TTC29: variants seen among roughly 807,000 people sequenced by gnomAD.
TTC29 encodes tetratricopeptide repeat protein 29.
A neutral mutation model predicts 58.1 loss-of-function variants in TTC29; 49 were observed. That is an observed-to-expected ratio of 0.84 (90% CI 0.67 to 1.07). TTC29 has a LOEUF of 1.07. Among genes scored for constraint, TTC29 ranks in the 50% least tolerant of loss-of-function variants. TTC29 has a pLI of 0.00. For missense variants in TTC29, 582 were observed against 555.6 expected, an observed-to-expected ratio of 1.05 and a Z score of -0.48; for synonymous variants, 209 against 196.8, an observed-to-expected ratio of 1.06 and a Z score of -0.52.
At chr4:146,865,140 G>T (rs188213484) in intron 8 of TTC29, among the ~76,000 whole-genome samples, 4 of 152,244 alleles carry the variant, frequency 2.6e-5, no homozygotes, top group Admixed American at 2.6e-4. Flanking sequence ...AAGTAAAGTA[G>T]TTCATCCCTT....
chr4:146,725,585 T>A (rs1021927928), intron 11 of TTC29, among the ~76,000 whole-genome samples: 1 of 152,166 alleles, frequency 6.6e-6, no homozygotes, highest in Non-Finnish European at 1.5e-5. Flanking sequence ...TAATTCCACG[T>A]AACTAAATTA....
At chr4:146,778,976 CAAAAAAAAAAA>C (rs369374851) in intron 11 of TTC29, among the ~76,000 whole-genome samples, 2 of 28,538 alleles carry the variant, frequency 7.0e-5, no homozygotes, top group Non-Finnish European at 1.1e-4. Context: ...CCTAAATAAG[CAAAAAAAAAAA>C]AAAAAAAAAA....
At chr4:146,871,189 T>C (rs1339888780) in intron 7 of TTC29, among the ~76,000 whole-genome samples, 1 of 151,926 alleles carries the variant, frequency 6.6e-6, no homozygotes, top group Non-Finnish European at 1.5e-5. Flanking sequence ...CATATGCTAA[T>C]CAATTAGTAT....
chr4:146,942,847 G>A (rs1736538231), intron 2 of TTC29: 5 of 413,372 alleles, frequency 1.2e-5, no homozygotes, highest in Non-Finnish European at 2.2e-5. Context: ...TAATTGCAGG[G>A]GTCTTTGAAG....
At chr4:146,839,564 G>C (rs1189318414) in intron 8 of TTC29, among the ~76,000 whole-genome samples, 1 of 151,012 alleles carries the variant, frequency 6.6e-6, no homozygotes, top group Non-Finnish European at 1.5e-5. Context: ...GTGTGTGTGT[G>C]TGTGTGTGTA....
intron 8 of TTC29, among the ~76,000 whole-genome samples, chr4:146,864,929 T>TA (rs397781465): frequency 1.3e-5 from 2 of 151,302 alleles, no homozygotes; most frequent in African/African-American, 4.9e-5. Flanking sequence ...TTTTTTTTTT[T>TA]AAGGGGAGTA....
chr4:146,894,620 T>C (rs910314264), intron 6 of TTC29, among the ~76,000 whole-genome samples: 3 of 151,970 alleles, frequency 2.0e-5, no homozygotes, highest in Admixed American at 2.0e-4. Context: ...ACATGGCACA[T>C]GTATACATAT....
At chr4:146,759,865 A>T (rs768351570) in intron 11 of TTC29, among the ~76,000 whole-genome samples, 3 of 152,114 alleles carry the variant, frequency 2.0e-5, no homozygotes, top group Non-Finnish European at 2.9e-5. Flanking sequence ...ATTCCCTCTG[A>T]GAACAGGAAC....
intron 5 of TTC29, among the ~76,000 whole-genome samples, chr4:146,908,397 G>A (rs1022261746): frequency 1.3e-5 from 2 of 152,066 alleles, no homozygotes; most frequent in East Asian, 1.9e-4. Flanking sequence ...AGTATAATTA[G>A]TGTAGAAATG....
At chr4:146,888,643 A>T (rs1732151132) in intron 6 of TTC29, among the ~76,000 whole-genome samples, 1 of 152,078 alleles carries the variant, frequency 6.6e-6, no homozygotes, top group Admixed American at 6.6e-5. Context: ...AAGGACTAGA[A>T]TTTTTTTTCT....
intron 4 of TTC29, among the ~76,000 whole-genome samples, chr4:146,928,239 A>G (rs746490067): frequency 1.3e-5 from 2 of 152,212 alleles, no homozygotes; most frequent in Non-Finnish European, 2.9e-5. Context: ...TGTTAGACCC[A>G]GACTGCCTAG....
chr4:146,741,237 T>A (rs1745125555), intron 11 of TTC29, among the ~76,000 whole-genome samples: 1 of 152,240 alleles, frequency 6.6e-6, no homozygotes, highest in South Asian at 2.1e-4. Context: ...TATACGCAAG[T>A]ATTTTTATGC....
chr4:146,739,550 C>A (rs557917278), intron 11 of TTC29, among the ~76,000 whole-genome samples: 2 of 152,188 alleles, frequency 1.3e-5, no homozygotes, highest in Admixed American at 6.5e-5. Flanking sequence ...AATTTACATC[C>A]TAGCACAGGG....
At chr4:146,795,933 C>G (rs917956240) in intron 11 of TTC29, among the ~76,000 whole-genome samples, 1 of 152,132 alleles carries the variant, frequency 6.6e-6, no homozygotes, top group Non-Finnish European at 1.5e-5. Flanking sequence ...GAGGTAAGAC[C>G]CTTGCTGAGA....
intron 6 of TTC29, among the ~76,000 whole-genome samples, chr4:146,890,365 C>T (rs1410561399): frequency 6.6e-6 from 1 of 152,174 alleles, no homozygotes; most frequent in Non-Finnish European, 1.5e-5. Context: ...TCCCATCTTA[C>T]TTGTGGGGCT....
chr4:146,927,236 G>A lies in TTC29; in HGVS notation c.176+10358C>T, dbSNP rs1735003073. On this transcript the variant is annotated intron_variant, in intron 4 of 12. Coordinates refer to ENST00000325106, the MANE Select transcript of TTC29 (RefSeq NM_031956.4). ...AACTCAATTAATTATAACTATTTTAGGAAACAGGTCCTATTATCATTATTT... is the reference window on the plus strand; with the variant it reads ...AACTCAATTAATTATAACTATTTTAAGAAACAGGTCCTATTATCATTATTT... Among the ~76,000 whole-genome samples the A allele has an allele frequency of 2.0e-5, 3 of 151,970 alleles. No homozygotes were observed. In the South Asian group the frequency reaches 6.2e-4, roughly 32 times the overall value.
At chr4:146,841,514 A>AC (rs1579806363) in intron 8 of TTC29, among the ~76,000 whole-genome samples, 1 of 152,154 alleles carries the variant, frequency 6.6e-6, no homozygotes, top group Admixed American at 6.6e-5. Context: ...CTAGAATGTA[A>AC]CCTATTTGAG....
chr4:146,863,866 C>T (rs1175967710), intron 8 of TTC29, among the ~76,000 whole-genome samples: 1 of 152,084 alleles, frequency 6.6e-6, no homozygotes, highest in African/African-American at 2.4e-5. Flanking sequence ...TTTGCCCTTC[C>T]TCTGCCTTTT....
chr4:146,939,793 G>A lies in TTC29; in HGVS notation c.92+11C>T, dbSNP rs753575411. The A allele has an allele frequency of 1.2e-6, 2 of 1,600,124 alleles. No individual in the cohort carries two copies. Among genetic ancestry groups the A allele is most frequent in the Admixed American group, 1.8e-5 (1 of 56,628 alleles). On this transcript the variant is annotated intron_variant, in intron 3 of 12. Coordinates refer to ENST00000325106, the MANE Select transcript of TTC29 (RefSeq NM_031956.4). ...TCTGTAGGAAAATAAGTAAAAACCAGGGGCACGTACCTTGGAATTTTTCTG... is the reference window on the plus strand; with the variant it reads ...TCTGTAGGAAAATAAGTAAAAACCAAGGGCACGTACCTTGGAATTTTTCTG...
Sources: allele counts gnomAD v4.1 joint callset (sites outside exome capture counted in the v4.1 genomes callset), GRCh38; gene constraint gnomAD v4.1.1; transcripts MANE v1.5; gene names NCBI Gene and HGNC (gene_info 2026-07-23, HGNC 2026-07-21).